Variants in TUBGCP3 observed in about 807,000 individuals in gnomAD.
The protein encoded by TUBGCP3 is tubulin gamma complex component 3, also known as gamma-tubulin complex component 3.
In TUBGCP3, 50 loss-of-function variants were observed where a neutral mutation model predicts 123.1. That is an observed-to-expected ratio of 0.41 (90% CI 0.32 to 0.51). TUBGCP3 has a LOEUF of 0.51. Among genes scored for constraint, TUBGCP3 ranks in the 20% least tolerant of loss-of-function variants. The pLI is 0.36. For synonymous variants in TUBGCP3, 405 were observed against 413.9 expected (o/e 0.98, Z 0.26); for missense variants, 882 against 1,127.0 (o/e 0.78, Z 3.11).
chr13:112,547,499 CAGACGCGCGTGGGAA>C lies in TUBGCP3; in HGVS notation c.1168+106_1168+120del, dbSNP rs1263333399. On this transcript the variant is annotated intron_variant, in intron 10 of 21. Coordinates refer to ENST00000261965, the MANE Select transcript of TUBGCP3 (RefSeq NM_006322.6). ...ACGAGTTCTGAAACAAAGCGAGTGCCAGACGCGCGTGGGAAAGACGCGCGTGGGAAAGACGTGCAT... is the reference window on the plus strand; with the variant it reads ...ACGAGTTCTGAAACAAAGCGAGTGCCAGACGCGCGTGGGAAAGACGTGCAT... 4.5e-4 allele frequency: 599 copies of C among 1,330,176 alleles called. 1 individual carries two copies. Among genetic ancestry groups the C allele is most frequent in the Middle Eastern group, 2.1e-3 (7 of 3,390 alleles). The allele number at this position is 1,330,176 out of a possible 1,614,324, so 82.4% of individuals were successfully genotyped here.
intron 3 of TUBGCP3, among the ~76,000 whole-genome samples, chr13:112,560,271 A>G (rs1467169149): frequency 1.3e-5 from 2 of 151,966 alleles, no homozygotes. Context: ...TCTACTAAAA[A>G]TACAAAAAAT....
chr13:112,553,753 G>A (rs1017158791), intron 8 of TUBGCP3, among the ~76,000 whole-genome samples: 5 of 152,202 alleles, frequency 3.3e-5, no homozygotes, highest in Admixed American at 1.3e-4. Flanking sequence ...AGCAGCAGCT[G>A]GGCAGGGCCC....
In TUBGCP3 at chr13:112,585,023, G is replaced by C. The variant is rs559764763; in HGVS notation, c.76+2882C>G. Reference sequence around the variant, plus strand: ...AAGCACCATTATATGTAGGTGCTTTGCTTCTGAAGGTCCCTTGAAGTCAAC... The same window carrying C: ...AAGCACCATTATATGTAGGTGCTTTCCTTCTGAAGGTCCCTTGAAGTCAAC... On this transcript the variant is annotated intron_variant, in intron 1 of 21. Coordinates refer to ENST00000261965, the MANE Select transcript of TUBGCP3 (RefSeq NM_006322.6). Among the ~76,000 whole-genome samples the C allele has an allele frequency of 4.6e-5, 7 of 152,284 alleles. No individual in the cohort carries two copies. In the South Asian group the frequency reaches 1.5e-3, roughly 32 times the overall value.
intron 20 of TUBGCP3, among the ~76,000 whole-genome samples, chr13:112,497,606 C>T (rs1336058362): frequency 2.6e-5 from 4 of 152,246 alleles, no homozygotes; most frequent in African/African-American, 4.8e-5. Flanking sequence ...TGCTGAGAAA[C>T]GCATCGTTAG....
At chr13:112,498,766 A>G in intron 20 of TUBGCP3, 1 of 1,536,966 alleles carries the variant, frequency 6.5e-7, no homozygotes, top group Non-Finnish European at 8.8e-7. Flanking sequence ...TGACATCGGC[A>G]TTGTGGCACT....
chr13:112,563,011 G>A lies in TUBGCP3; in HGVS notation c.252+2100C>T, dbSNP rs117700709. The stretch of plus-strand genomic sequence containing the variant: ...TGCCCTCGAGGCCAGAGTCCTGCCC[G>A]GGCAGTGCAGATGCACAATGTTCTA... On this transcript the variant is annotated intron_variant, in intron 3 of 21. Coordinates refer to ENST00000261965, the MANE Select transcript of TUBGCP3 (RefSeq NM_006322.6). 5.8e-3 allele frequency among the ~76,000 whole-genome samples: 882 copies of A among 152,236 alleles called. 14 individuals are homozygous for A. The highest frequency in any genetic ancestry group is 0.014 in the African/African-American group (573 of 41,540).
rs113200189 is a variant in TUBGCP3 at position 112,519,648 on chromosome 13, C to G, written c.1881+238G>C. ...TTTTCTCCAGCTTAAGCCTAGCAGC[C>G]CTGCAAGGCTCCCCGCTGCAAGATG... On this transcript the variant is annotated intron_variant, in intron 15 of 21. Coordinates refer to ENST00000261965, the MANE Select transcript of TUBGCP3 (RefSeq NM_006322.6). This position sits in a 1 kb window ranked among gnomAD's most constrained non-coding sequence, Gnocchi z 6.2. Among the ~76,000 whole-genome samples, 8 of 152,210 alleles carry G rather than the reference C, an allele frequency of 5.3e-5. No homozygotes were observed. Among genetic ancestry groups the G allele is most frequent in the African/African-American group, 1.9e-4 (8 of 41,442 alleles).
chr13:112,536,217 G>T (rs1878044875), intron 11 of TUBGCP3, among the ~76,000 whole-genome samples: 1 of 152,214 alleles, frequency 6.6e-6, no homozygotes, highest in Non-Finnish European at 1.5e-5. Flanking sequence ...AAGATTGTTT[G>T]GCCTCAGGGC....
chr13:112,499,763 T>C (rs1880777699), intron 19 of TUBGCP3, among the ~76,000 whole-genome samples: 1 of 152,124 alleles, frequency 6.6e-6, no homozygotes, highest in Non-Finnish European at 1.5e-5. Context: ...TAAACAAATA[T>C]CAGTGTCACA....
intron 8 of TUBGCP3, among the ~76,000 whole-genome samples, chr13:112,549,718 A>ACG (rs1879393538): frequency 6.6e-6 from 1 of 152,020 alleles, no homozygotes; most frequent in Non-Finnish European, 1.5e-5. Context: ...GGCCGGGTGC[A>ACG]GTGGCTCACG....
At chr13:112,515,330 AAG>A (rs1876017437) in intron 17 of TUBGCP3, among the ~76,000 whole-genome samples, 1 of 152,150 alleles carries the variant, frequency 6.6e-6, no homozygotes, top group Non-Finnish European at 1.5e-5. Context: ...AATCCACTAC[AAG>A]AAAGATGCTG....
intron 11 of TUBGCP3, 101 bp from the exon 12 acceptor site, chr13:112,527,585 C>G: frequency 2.6e-6 from 2 of 776,828 alleles, no homozygotes; most frequent in Non-Finnish European, 4.4e-6. Context: ...AAGCCAAGTT[C>G]TCCAGACACA....
At chr13:112,506,049 A>G (rs1427143157) in intron 17 of TUBGCP3, among the ~76,000 whole-genome samples, 2 of 152,256 alleles carry the variant, frequency 1.3e-5, no homozygotes, top group Non-Finnish European at 2.9e-5. Context: ...GCAGCCAGTA[A>G]CAAACGATGT....
chr13:112,488,626 C>G (rs1048789234), intron 21 of TUBGCP3, among the ~76,000 whole-genome samples: 3 of 150,588 alleles, frequency 2.0e-5, no homozygotes, highest in African/African-American at 5.0e-5. Context: ...ACACCCACCA[C>G]AGGGGAGCAC....
At chr13:112,496,985 C>CA (rs60584662) in intron 20 of TUBGCP3, among the ~76,000 whole-genome samples, 6,233 of 101,592 alleles carry the variant, frequency 0.061, 159 homozygotes, top group African/African-American at 0.078. Flanking sequence ...GACTCCCTCT[C>CA]AAAAAAAAAA....
intron 20 of TUBGCP3, among the ~76,000 whole-genome samples, chr13:112,494,086 G>A: frequency 6.6e-6 from 1 of 151,552 alleles, no homozygotes; most frequent in East Asian, 2.0e-4. Flanking sequence ...TGGGAACGGG[G>A]CCTGGTGTGC....
At chr13:112,500,834 T>C (rs1387731177) in intron 19 of TUBGCP3, among the ~76,000 whole-genome samples, 1 of 152,248 alleles carries the variant, frequency 6.6e-6, no homozygotes, top group African/African-American at 2.4e-5. Context: ...TCTGCAAAAA[T>C]ATTTTCCGTT....
At chr13:112,578,558 C>CAAAAAAAAAAAAAAAAAAAAAAAAAAA (rs71131496) in intron 1 of TUBGCP3, among the ~76,000 whole-genome samples, 1 of 24,914 alleles carries the variant, frequency 4.0e-5, no homozygotes, top group African/African-American at 1.5e-4. Context: ...GACTCCGTCT[C>CAAAAAAAAAAAAAAAAAAAAAAAAAAA]AAAAAAAAAA....
intron 13 of TUBGCP3, among the ~76,000 whole-genome samples, chr13:112,522,980 G>A (rs1876749205): frequency 6.6e-6 from 1 of 152,172 alleles, no homozygotes; most frequent in African/African-American, 2.4e-5. Flanking sequence ...TGGTGGAGAT[G>A]TCTAGGGGAC....
Sources: gnomAD v4.1 joint callset for allele counts (sites outside exome capture counted in the v4.1 genomes callset) on GRCh38, gnomAD v4.1.1 for gene constraint, Gnocchi (gnomAD v3.1) non-coding constraint, MANE v1.5 for transcripts, NCBI Gene and HGNC (gene_info 2026-07-23, HGNC 2026-07-21) for gene names.